Variants in CNTN1 observed in about 807,000 individuals in gnomAD.
The protein encoded by CNTN1 is contactin-1.
Under a neutral mutation model 126.4 loss-of-function variants are expected in CNTN1, and 38 were observed. The ratio of observed to expected loss-of-function variants is 0.30; its 90% CI spans 0.23 to 0.39. The LOEUF (loss-of-function observed/expected upper bound fraction) is 0.39, where lower values mean the gene tolerates loss of function less well. CNTN1 is among the 10% of genes least tolerant of loss of function. CNTN1 has a pLI of 1.00. For missense variants in CNTN1, 1,009 were observed against 1,248.4 expected (o/e 0.81, Z 2.89); for synonymous variants, 413 against 422.6 (o/e 0.98, Z 0.28).
chr12:40,827,707 T>C (rs893776375), intron 1 of CNTN1, among the ~76,000 whole-genome samples: 1 of 151,892 alleles, frequency 6.6e-6, no homozygotes, highest in Non-Finnish European at 1.5e-5. Flanking sequence ...TTTCCCCGAG[T>C]GGATGTTGCA....
intron 1 of CNTN1, among the ~76,000 whole-genome samples, chr12:40,837,938 A>G (rs1942122918): frequency 6.6e-6 from 1 of 152,100 alleles, no homozygotes; most frequent in South Asian, 2.1e-4. Flanking sequence ...GTTTTCTACC[A>G]GCTATGGCCA....
chr12:41,048,536 T>C (rs1949597357), intron 23 of CNTN1, among the ~76,000 whole-genome samples: 1 of 152,154 alleles, frequency 6.6e-6, no homozygotes. Flanking sequence ...CTAACACCTC[T>C]CGTTAATTCA....
At chr12:40,873,190 A>G (rs1257395412) in intron 1 of CNTN1, among the ~76,000 whole-genome samples, 2 of 152,346 alleles carry the variant, frequency 1.3e-5, no homozygotes, top group South Asian at 2.1e-4. Context: ...AAAATGCCTA[A>G]GTAAAAATTC....
intron 1 of CNTN1, chr12:40,729,512 G>C (rs116209162): frequency 0.017 from 3,734 of 216,060 alleles, 54 homozygotes; most frequent in African/African-American, 0.044. Flanking sequence ...GACCACGTAT[G>C]AGTGCCTCAT....
chr12:40,993,467 A>T (rs912176812), intron 17 of CNTN1, among the ~76,000 whole-genome samples, 198 bp downstream of exon 17: 8 of 152,202 alleles, frequency 5.3e-5, no homozygotes, highest in African/African-American at 1.9e-4. Context: ...AGACAGTCAA[A>T]AATCAAAAGA....
At chr12:40,726,814 G>A (rs1942362874) in intron 1 of CNTN1, among the ~76,000 whole-genome samples, 1 of 151,358 alleles carries the variant, frequency 6.6e-6, no homozygotes, top group Non-Finnish European at 1.5e-5. Context: ...ACTAATAAAG[G>A]AAAATGAATT....
At chr12:40,863,334 A>C (rs1257825407) in intron 1 of CNTN1, among the ~76,000 whole-genome samples, 1 of 152,204 alleles carries the variant, frequency 6.6e-6, no homozygotes, top group Admixed American at 6.5e-5. Context: ...GATAATTTAT[A>C]ATTCTAATTC....
At chr12:41,030,385 A>G (rs1949123668) in intron 23 of CNTN1, among the ~76,000 whole-genome samples, 1 of 152,194 alleles carries the variant, frequency 6.6e-6, no homozygotes, top group Admixed American at 6.5e-5. Flanking sequence ...ATCAAAATAG[A>G]ACTTTGATTT....
Position 40,943,707 on chromosome 12 carries a change from G to C in CNTN1, c.1490G>C (p.Gly497Ala). The change falls in exon 13 of 24, where the codon GGA becomes GCA. Residue 497 changes from glycine (G) to alanine (A), a missense_variant. Transcript: ENST00000551295. Reference protein sequence around the residue: ...ENNRGKANSTGTLVITDPTRI... With the variant: ...ENNRGKANSTATLVITDPTRI... The stretch of plus-strand genomic sequence containing the variant: ...AACAGAGGGAAAGCTAATAGCACTG[G>C]AACCCTTGTTATCACAGGTAAGTTA... 1 of 1,612,736 alleles carries C rather than the reference G, an allele frequency of 6.2e-7. No individual in the cohort carries two copies. The highest frequency in any genetic ancestry group is 8.5e-7 in the Non-Finnish European group (1 of 1,179,166).
chr12:40,963,809 T>A (rs901469667), intron 15 of CNTN1, among the ~76,000 whole-genome samples: 6 of 152,132 alleles, frequency 3.9e-5, no homozygotes, highest in Admixed American at 2.0e-4. Context: ...GTCTGATGCT[T>A]GTGAACAGCC....
chr12:40,695,521 CA>C (rs914750747), intron 1 of CNTN1, among the ~76,000 whole-genome samples: 36 of 151,702 alleles, frequency 2.4e-4, no homozygotes, highest in Non-Finnish European at 5.9e-5. Flanking sequence ...TGCCTTATTT[CA>C]AAAAAAATCA....
At chr12:40,780,686 G>GAAAA (rs11393889) in intron 1 of CNTN1, among the ~76,000 whole-genome samples, 3 of 128,240 alleles carry the variant, frequency 2.3e-5, no homozygotes, top group African/African-American at 2.9e-5. Context: ...TTCCATCTAA[G>GAAAA]AAAAAAAAAA....
chr12:40,934,874 A>G (rs890547019), intron 9 of CNTN1, among the ~76,000 whole-genome samples: 4 of 151,890 alleles, frequency 2.6e-5, no homozygotes, highest in Non-Finnish European at 4.4e-5. Context: ...CTTTTTTTTG[A>G]TCTAACAGCA....
intron 17 of CNTN1, among the ~76,000 whole-genome samples, chr12:41,009,778 T>A (rs975744046): frequency 6.6e-6 from 1 of 152,136 alleles, no homozygotes; most frequent in Non-Finnish European, 1.5e-5. Flanking sequence ...AGAAGTGGGA[T>A]CCTTAAGATG....
rs542730498 is a variant in CNTN1, at chr12:40,837,427, A to G, written c.-76-70930A>G. Reference sequence around the variant, plus strand: ...ACATCCAATGGCCCACATCACTATCATGGAATTATGCAGTCCTGACTATAG... The same window carrying G: ...ACATCCAATGGCCCACATCACTATCGTGGAATTATGCAGTCCTGACTATAG... On this transcript the variant is annotated intron_variant, in intron 1 of 23. Coordinates refer to ENST00000551295, the MANE Select transcript of CNTN1 (RefSeq NM_001843.4). Among the ~76,000 whole-genome samples, 11 of 152,204 alleles carry G rather than the reference A, an allele frequency of 7.2e-5. 1 individual carries two copies. Among genetic ancestry groups the G allele is most frequent in the African/African-American group, 2.4e-4 (10 of 41,520 alleles).
In CNTN1 at chr12:40,766,600, C is replaced by A. The variant is rs116612930; in HGVS notation, c.-77+74008C>A. Reference sequence around the variant, plus strand: ...ATATCCTGTAATCCTTGGGTGGATTCTCTTGATCAACTTATCTGATGCACC... The same window carrying A: ...ATATCCTGTAATCCTTGGGTGGATTATCTTGATCAACTTATCTGATGCACC... On this transcript the variant is annotated intron_variant, in intron 1 of 23. Transcript: ENST00000551295. Among the ~76,000 whole-genome samples, 722 of 152,196 alleles carry A rather than the reference C, an allele frequency of 4.7e-3. 9 individuals carry two copies. The highest frequency in any genetic ancestry group is 0.015 in the African/African-American group (641 of 41,518).
At chr12:41,043,104 T>C (rs1313265691) in intron 23 of CNTN1, among the ~76,000 whole-genome samples, 1 of 152,072 alleles carries the variant, frequency 6.6e-6, no homozygotes, top group African/African-American at 2.4e-5. Flanking sequence ...GGACTTCATG[T>C]CTAAAACACC....
At chr12:40,737,285 A>ATG (rs34925321) in intron 1 of CNTN1, among the ~76,000 whole-genome samples, 29,614 of 140,712 alleles carry the variant, frequency 0.21, 3,487 homozygotes, top group East Asian at 0.46. Flanking sequence ...TAGGATATAT[A>ATG]TGTGTGTGTG....
At chr12:40,868,742 C>T (rs1404369375) in intron 1 of CNTN1, among the ~76,000 whole-genome samples, 1 of 152,138 alleles carries the variant, frequency 6.6e-6, no homozygotes, top group Non-Finnish European at 1.5e-5. Flanking sequence ...CTGACAATTT[C>T]ATGGTCTTTG....
Sources: allele counts gnomAD v4.1 joint callset (sites outside exome capture counted in the v4.1 genomes callset), GRCh38; gene constraint gnomAD v4.1.1; transcripts MANE v1.5; gene names NCBI Gene and HGNC (gene_info 2026-07-23, HGNC 2026-07-21).